The following CDH13 variants were observed in gnomAD, a reference collection of about 807,000 sequenced individuals.
CDH13 encodes the protein cadherin 13, also known as cadherin-13.
In CDH13, 24 loss-of-function variants were observed where a neutral mutation model predicts 63.8. The ratio of observed to expected loss-of-function variants is 0.38; its 90% CI spans 0.27 to 0.53. The LOEUF (loss-of-function observed/expected upper bound fraction) is 0.53, where lower values mean the gene tolerates loss of function less well. Ranked by LOEUF, CDH13 falls within the 20% of genes least tolerant of loss-of-function variation. The pLI, the probability that CDH13 is intolerant of heterozygous loss-of-function variation, is 0.85. For missense variants in CDH13, 1,049 were observed against 903.1 expected, an observed-to-expected ratio of 1.16 and a Z score of -2.07; for synonymous variants, 503 against 355.3, an observed-to-expected ratio of 1.42 and a Z score of -4.67.
chr16:83,276,276 GC>G (rs1567557717), intron 5 of CDH13, among the ~76,000 whole-genome samples: 1 of 151,964 alleles, frequency 6.6e-6, no homozygotes, highest in Non-Finnish European at 1.5e-5. Context: ...TCCATTAGGA[GC>G]CCCCCAAGAG....
At chr16:83,348,750 G>A (rs567467096) in intron 6 of CDH13, among the ~76,000 whole-genome samples, 1 of 152,296 alleles carries the variant, frequency 6.6e-6, no homozygotes, top group African/African-American at 2.4e-5. Flanking sequence ...TCTGCAAATG[G>A]GGATAGAATA....
intron 7 of CDH13, among the ~76,000 whole-genome samples, chr16:83,499,029 T>C (rs990618945): frequency 6.6e-6 from 1 of 152,188 alleles, no homozygotes; most frequent in Non-Finnish European, 1.5e-5. Flanking sequence ...ACCCCTAGTG[T>C]TTTTTGATGC....
intron 7 of CDH13, among the ~76,000 whole-genome samples, chr16:83,544,143 G>A (rs545292163): frequency 2.6e-5 from 4 of 152,170 alleles, no homozygotes; most frequent in Non-Finnish European, 4.4e-5. Flanking sequence ...GCTCCCACTC[G>A]CAGTGTCTCT....
chr16:83,600,462 C>T (rs1037417993), intron 7 of CDH13, among the ~76,000 whole-genome samples: 12 of 152,188 alleles, frequency 7.9e-5, no homozygotes, highest in Admixed American at 6.5e-5. Flanking sequence ...TCCCTATGAG[C>T]AGACAGCCAG....
At chr16:83,250,767 G>A (rs1352728057) in intron 5 of CDH13, among the ~76,000 whole-genome samples, 1 of 152,184 alleles carries the variant, frequency 6.6e-6, no homozygotes, top group Non-Finnish European at 1.5e-5. Flanking sequence ...AGTGCACATA[G>A]GAAGCACTGT....
At chr16:83,347,879 C>T (rs577498324) in intron 6 of CDH13, among the ~76,000 whole-genome samples, 1 of 152,158 alleles carries the variant, frequency 6.6e-6, no homozygotes, top group South Asian at 2.1e-4. Context: ...TCTTCCTGGG[C>T]CTTGTGTGAG....
At chr16:83,753,284 C>T (rs566626541) in intron 11 of CDH13, among the ~76,000 whole-genome samples, 1 of 152,296 alleles carries the variant, frequency 6.6e-6, no homozygotes, top group South Asian at 2.1e-4. Context: ...TGGCTTACAC[C>T]TGTAATCCTA....
chr16:83,205,816 G>T (rs1490266579), intron 4 of CDH13, among the ~76,000 whole-genome samples: 1 of 152,036 alleles, frequency 6.6e-6, no homozygotes, highest in East Asian at 1.9e-4. Flanking sequence ...TGTTGGCCAG[G>T]ATGGTCTCTA....
chr16:83,610,604 G>A (rs1012781857), intron 8 of CDH13, among the ~76,000 whole-genome samples: 1 of 152,100 alleles, frequency 6.6e-6, no homozygotes, highest in Admixed American at 6.5e-5. Flanking sequence ...ATCATAGTGT[G>A]GACCCTTGGG....
At chr16:82,969,515 C>A (rs1199415654) in intron 2 of CDH13, among the ~76,000 whole-genome samples, 1 of 135,010 alleles carries the variant, frequency 7.4e-6, no homozygotes, top group African/African-American at 2.8e-5. Context: ...TTTCTAGCTT[C>A]TCTCTGGAAG....
chr16:83,527,506 C>G (rs2074991922), intron 7 of CDH13, among the ~76,000 whole-genome samples: 1 of 152,108 alleles, frequency 6.6e-6, no homozygotes, highest in Admixed American at 6.6e-5. Context: ...GAGTTGTCTT[C>G]TGCGTTAACC....
At chr16:82,970,386 T>TC (rs1908546396) in intron 2 of CDH13, among the ~76,000 whole-genome samples, 7 of 98,968 alleles carry the variant, frequency 7.1e-5, no homozygotes, top group African/African-American at 2.2e-4. Flanking sequence ...CATATTCTTT[T>TC]TTTTTTTTTT....
intron 4 of CDH13, among the ~76,000 whole-genome samples, chr16:83,180,564 T>G (rs544352676): frequency 6.6e-6 from 1 of 152,352 alleles, no homozygotes; most frequent in South Asian, 2.1e-4. Flanking sequence ...TTAAGATTTC[T>G]TCAGTTACAA....
At chr16:82,945,886 G>A (rs1467895101) in intron 2 of CDH13, among the ~76,000 whole-genome samples, 1 of 152,042 alleles carries the variant, frequency 6.6e-6, no homozygotes, top group African/African-American at 2.4e-5. Context: ...TCATTTCCTA[G>A]GGACACTCTC....
At chr16:82,805,751 C>G (rs966013236) in intron 1 of CDH13, among the ~76,000 whole-genome samples, 2 of 152,240 alleles carry the variant, frequency 1.3e-5, no homozygotes, top group Middle Eastern at 3.4e-3. Context: ...TAGGAGCATC[C>G]AAGTTCCATC....
chr16:82,749,537 C>A (rs1421155187), intron 1 of CDH13, among the ~76,000 whole-genome samples: 1 of 152,148 alleles, frequency 6.6e-6, no homozygotes, highest in Non-Finnish European at 1.5e-5. Context: ...GCTACAGATA[C>A]AAAAACTCAA....
intron 2 of CDH13, among the ~76,000 whole-genome samples, chr16:82,996,084 C>A (rs1912173686): frequency 6.6e-6 from 1 of 151,818 alleles, no homozygotes; most frequent in Non-Finnish European, 1.5e-5. Context: ...GCTTACCGGG[C>A]AAAAGCATAG....
At chr16:83,539,042 CT>C (rs1393819589) in intron 7 of CDH13, among the ~76,000 whole-genome samples, 2 of 152,018 alleles carry the variant, frequency 1.3e-5, no homozygotes, top group Non-Finnish European at 2.9e-5. Flanking sequence ...AGGGAGTCAT[CT>C]GGCATACAAA....
intron 8 of CDH13, among the ~76,000 whole-genome samples, chr16:83,628,177 A>C (rs1449927642): frequency 1.3e-5 from 2 of 152,296 alleles, no homozygotes; most frequent in African/African-American, 4.8e-5. Context: ...CCGCCTGGGA[A>C]CGCAGCCCAG....
Sources: gnomAD v4.1 joint callset for allele counts (sites outside exome capture counted in the v4.1 genomes callset) on GRCh38, gnomAD v4.1.1 for gene constraint, MANE v1.5 for transcripts, NCBI Gene and HGNC (gene_info 2026-07-23, HGNC 2026-07-21) for gene names.